The following SIK3 variants were observed in gnomAD, a reference collection of about 807,000 sequenced individuals.
SIK3 encodes SIK family kinase 3.
In SIK3, 28 loss-of-function variants were observed where a neutral mutation model predicts 144.2. The observed-to-expected ratio is 0.19, with a 90% CI of 0.14 to 0.27. SIK3 has a LOEUF of 0.27. SIK3 is among the 10% of genes least tolerant of loss of function. The probability of loss-of-function intolerance (pLI) is 1.00; values close to 1 mark genes in which losing one functional copy is unlikely to be tolerated. For missense variants in SIK3, 1,319 were observed against 1,776.0 expected (o/e 0.74, Z 4.62); for synonymous variants, 686 against 676.3 (o/e 1.01, Z -0.22).
chr11:116,896,215 T>C (rs1434612571), intron 6 of SIK3, 38 bp downstream of exon 6: 1 of 1,608,602 alleles, frequency 6.2e-7, no homozygotes, highest in East Asian at 2.2e-5. Context: ...CTAACTTTCA[T>C]GAACCCATTC....
intron 3 of SIK3, among the ~76,000 whole-genome samples, chr11:116,949,157 G>A (rs6589580): frequency 0.33 from 49,412 of 151,982 alleles, 9,051 homozygotes; most frequent in African/African-American, 0.5. Flanking sequence ...GAAAGATCTC[G>A]TATCAATAAC....
rs144698356 is a variant in SIK3 at position 117,030,481 on chromosome 11, G to T, written c.273+67662C>A. Among the ~76,000 whole-genome samples the T allele has an allele frequency of 3.3e-5, 5 of 152,140 alleles. No individual in the cohort carries two copies. The East Asian group carries it at 9.6e-4, about 29-fold the overall frequency. ...AAAAATACTCATGATATTGAGTATT[G>T]TGAAAAAAGCAAGACACAACTGCAT... On this transcript the variant is annotated intron_variant, in intron 1 of 24. Transcript: ENST00000445177.
intron 1 of SIK3, among the ~76,000 whole-genome samples, chr11:117,008,794 T>C (rs1458957601): frequency 6.6e-6 from 1 of 152,150 alleles, no homozygotes; most frequent in Non-Finnish European, 1.5e-5. Flanking sequence ...AAATTGCAAA[T>C]AGCCTTGCAT....
chr11:116,889,755 G>A (rs796618438), intron 6 of SIK3, among the ~76,000 whole-genome samples: 1 of 152,016 alleles, frequency 6.6e-6, no homozygotes, highest in Non-Finnish European at 1.5e-5. Context: ...AAATTAGGTG[G>A]GCGTGGTGGC....
At chr11:116,954,130 A>C in intron 2 of SIK3, 23 bp from the exon 3 acceptor site, 1 of 1,602,524 alleles carries the variant, frequency 6.2e-7, no homozygotes, top group Non-Finnish European at 8.5e-7. Context: ...CAGGAAAGTG[A>C]CAGACAGTGA....
At chr11:116,890,336 AC>A (rs113697678) in intron 6 of SIK3, among the ~76,000 whole-genome samples, 50 of 152,348 alleles carry the variant, frequency 3.3e-4, no homozygotes, top group African/African-American at 1.1e-3. Context: ...GGAGCTCAGA[AC>A]CGGAGGTGAA....
chr11:116,851,448 G>A (rs1942430472), intron 21 of SIK3, among the ~76,000 whole-genome samples: 1 of 152,116 alleles, frequency 6.6e-6, no homozygotes, highest in Non-Finnish European at 1.5e-5. Context: ...TATTTCAATG[G>A]TTTTCTATAA....
chr11:117,023,621 A>ATATATACATATATATATATATATATAT (rs1555131640), intron 1 of SIK3, among the ~76,000 whole-genome samples: 1 of 95,420 alleles, frequency 1.0e-5, no homozygotes, highest in South Asian at 3.7e-4. Context: ...AAAAAAAAAA[A>ATATATACATATATATATATATATATAT]ATATATATAT....
chr11:117,026,392 C>A, intron 1 of SIK3, among the ~76,000 whole-genome samples: 1 of 152,140 alleles, frequency 6.6e-6, no homozygotes, highest in East Asian at 1.9e-4. Flanking sequence ...GTATCCCCAT[C>A]GCTAAGCAGT....
chr11:117,028,363 GAAACA>G (rs1289216958), intron 1 of SIK3, among the ~76,000 whole-genome samples: 1 of 151,922 alleles, frequency 6.6e-6, no homozygotes, highest in African/African-American at 2.4e-5. Flanking sequence ...AAGCCCTCAG[GAAACA>G]ATTAAGAGTA....
intron 1 of SIK3, among the ~76,000 whole-genome samples, chr11:116,967,914 C>A (rs11216202): frequency 2.0e-5 from 3 of 152,154 alleles, no homozygotes; most frequent in Non-Finnish European, 4.4e-5. Context: ...ACAGATAATG[C>A]CCCTCTGGGA....
rs771881772 is a variant in SIK3 at position 116,858,291 on chromosome 11, C to T, written c.3174G>A (p.Gln1058=). The T allele has an allele frequency of 1.9e-6, 3 of 1,610,742 alleles. No homozygotes were observed. The South Asian group carries it at 3.3e-5, about 18-fold the overall frequency. The part of the protein sequence containing the change: ...QQQRQQQQQQ[Q]QQQEYQELFR... ...ACAGTTCCTGGTATTCTTGCTGTTGCTGCTGTTGCTGCTGCTGCTGCCGTT... is the reference window on the plus strand; with the variant it reads ...ACAGTTCCTGGTATTCTTGCTGTTGTTGCTGTTGCTGCTGCTGCTGCCGTT... The change falls in exon 21 of 25, where the codon CAG becomes CAA. Residue 1058 remains glutamine (Q), a synonymous_variant. Coordinates refer to ENST00000445177, the MANE Select transcript of SIK3 (RefSeq NM_001366686.3). The surrounding 1 kb of genome is among the most constrained non-coding windows in gnomAD (Gnocchi z 5.4).
chr11:116,928,514 A>G lies in SIK3; in HGVS notation c.455-1134T>C, dbSNP rs563402348. 5.9e-5 allele frequency among the ~76,000 whole-genome samples: 9 copies of G among 152,344 alleles called. No individual in the cohort carries two copies. The South Asian group carries it at 1.4e-3, about 25-fold the overall frequency. ...ATCAACAGTTTTGGTAGAATACACAATTGTTTTGGTGACATCTCACTCCCT... is the reference window on the plus strand; with the variant it reads ...ATCAACAGTTTTGGTAGAATACACAGTTGTTTTGGTGACATCTCACTCCCT... On this transcript the variant is annotated intron_variant, in intron 3 of 24. Coordinates refer to ENST00000445177, the MANE Select transcript of SIK3 (RefSeq NM_001366686.3).
intron 4 of SIK3, among the ~76,000 whole-genome samples, chr11:116,905,974 T>C (rs1359183259): frequency 2.6e-5 from 4 of 152,230 alleles, no homozygotes; most frequent in Non-Finnish European, 5.9e-5. Flanking sequence ...GTCCAACTTA[T>C]CTGTATTTCC....
At chr11:116,883,450 A>G (rs1727357471) in intron 6 of SIK3, among the ~76,000 whole-genome samples, 1 of 152,202 alleles carries the variant, frequency 6.6e-6, no homozygotes, top group African/African-American at 2.4e-5. Flanking sequence ...CTGCCAAGAT[A>G]CCTTCTTTTG....
chr11:116,857,481 C>CT (rs374336781), intron 21 of SIK3: 5 of 288,740 alleles, frequency 1.7e-5, no homozygotes, highest in Non-Finnish European at 3.2e-5. Context: ...GTTGGGCTGA[C>CT]TTTTTTTCTA....
intron 6 of SIK3, among the ~76,000 whole-genome samples, chr11:116,881,073 G>A (rs963131618): frequency 6.6e-6 from 1 of 152,072 alleles, no homozygotes; most frequent in South Asian, 2.1e-4. Flanking sequence ...GCAGTGAGCC[G>A]AGATCGCACC....
chr11:117,059,581 C>G (rs1375776071), intron 1 of SIK3, among the ~76,000 whole-genome samples: 1 of 152,072 alleles, frequency 6.6e-6, no homozygotes, highest in African/African-American at 2.4e-5. Context: ...AAGCCACAGG[C>G]TAGAAGAAAA....
intron 1 of SIK3, among the ~76,000 whole-genome samples, chr11:117,012,874 C>CAA (rs1475392071): frequency 2.2e-5 from 2 of 90,718 alleles, no homozygotes; most frequent in Non-Finnish European, 3.9e-5. Flanking sequence ...TTTTTTGAGA[C>CAA]AGAGTCTCGC....
Sources: allele counts gnomAD v4.1 joint callset (sites outside exome capture counted in the v4.1 genomes callset), GRCh38; gene constraint gnomAD v4.1.1; non-coding constraint Gnocchi (gnomAD v3.1); transcripts MANE v1.5; gene names NCBI Gene and HGNC (gene_info 2026-07-23, HGNC 2026-07-21).